Variants in SYT16 observed in about 807,000 individuals in gnomAD.
The protein encoded by SYT16 is synaptotagmin-16.
Under a neutral mutation model 61.4 loss-of-function variants are expected in SYT16, and 42 were observed. That is an observed-to-expected ratio of 0.68 (90% CI 0.53 to 0.89). The LOEUF is 0.89. SYT16 is among the 40% of genes least tolerant of loss of function. SYT16 has a pLI of 0.00. For synonymous variants in SYT16, 314 were observed against 302.3 expected (o/e 1.04, Z -0.40); for missense variants, 804 against 807.3 (o/e 1.00, Z 0.05).
intron 3 of SYT16, among the ~76,000 whole-genome samples, chr14:62,037,042 T>C (rs535116663): frequency 6.6e-6 from 1 of 152,252 alleles, no homozygotes; most frequent in Non-Finnish European, 1.5e-5. Flanking sequence ...GCTGAGAGGA[T>C]GGCAAAAGAG....
chr14:62,102,671 A>C lies in SYT16; in HGVS notation c.*1964A>C, dbSNP rs1474774235. 1 of 152,202 alleles carries C rather than the reference A, an allele frequency of 6.6e-6. No homozygotes were observed. Among genetic ancestry groups the C allele is most frequent in the East Asian group, 1.9e-4 (1 of 5,200 alleles). The allele number at this position is 152,202 out of a possible 1,614,324, so 9.4% of individuals were successfully genotyped here. On this transcript the variant is annotated 3_prime_UTR_variant, in exon 8 of 8. Transcript: ENST00000683842. ...TAAAGGGAAGTAGAACAGCCTCGCTATGCTTTCCTTTATGCAGTAACATAA... is the reference window on the plus strand; with the variant it reads ...TAAAGGGAAGTAGAACAGCCTCGCTCTGCTTTCCTTTATGCAGTAACATAA...
intron 1 of SYT16, among the ~76,000 whole-genome samples, chr14:61,914,701 C>CAA (rs1305221014): frequency 6.6e-6 from 1 of 152,158 alleles, no homozygotes; most frequent in Non-Finnish European, 1.5e-5. Context: ...TTGGGTTTCT[C>CAA]CTCAAAAATA....
chr14:61,973,594 G>T lies in SYT16; in HGVS notation c.-145+3283G>T, dbSNP rs922776452. Among the ~76,000 whole-genome samples the T allele has an allele frequency of 2.4e-4, 37 of 152,160 alleles. 1 individual carries two copies. The highest frequency in any genetic ancestry group is 1.6e-3 in the Admixed American group (25 of 15,270). On this transcript the variant is annotated intron_variant, in intron 2 of 7. Coordinates refer to ENST00000683842, the MANE Select transcript of SYT16 (RefSeq NM_001367656.1). ...CACAGTGAGACAATAGTTTTTAAAA[G>T]AAGCCCAGCTTTGAGAGAAGGCGGG...
At chr14:61,945,089 C>T (rs61993174) in intron 1 of SYT16, among the ~76,000 whole-genome samples, 20,006 of 152,180 alleles carry the variant, frequency 0.13, 1,745 homozygotes, top group South Asian at 0.27. Flanking sequence ...TGAACAGACA[C>T]TTCTTAAAAG....
intron 3 of SYT16, among the ~76,000 whole-genome samples, chr14:62,041,401 T>C (rs1167677119): frequency 6.6e-6 from 1 of 152,232 alleles, no homozygotes; most frequent in Non-Finnish European, 1.5e-5. Flanking sequence ...TTAAGGAATT[T>C]ATTATATGCC....
intron 1 of SYT16, among the ~76,000 whole-genome samples, chr14:61,879,367 C>T (rs1289085425): frequency 6.6e-6 from 1 of 152,168 alleles, no homozygotes; most frequent in South Asian, 2.1e-4. Flanking sequence ...GCCAAGGGTG[C>T]TTGTCATACT....
intron 1 of SYT16, among the ~76,000 whole-genome samples, chr14:61,892,539 T>C (rs565679541): frequency 5.0e-4 from 76 of 152,288 alleles, no homozygotes; most frequent in African/African-American, 1.7e-3. Flanking sequence ...CTCTCCTCCG[T>C]GGTGACCTGC....
At chr14:61,889,569 C>G (rs1460340733) in intron 1 of SYT16, among the ~76,000 whole-genome samples, 1 of 151,864 alleles carries the variant, frequency 6.6e-6, no homozygotes, top group African/African-American at 2.4e-5. Flanking sequence ...CCTGGTACTT[C>G]CCTCTGCTCG....
At chr14:62,077,832 T>G (rs1352426569) in intron 5 of SYT16, among the ~76,000 whole-genome samples, 2 of 152,148 alleles carry the variant, frequency 1.3e-5, no homozygotes, top group Non-Finnish European at 2.9e-5. Flanking sequence ...CAGGATCTGT[T>G]TATTCAGAGG....
chr14:61,817,958 C>T (rs1397232904), intron 1 of SYT16, among the ~76,000 whole-genome samples: 2 of 152,150 alleles, frequency 1.3e-5, no homozygotes, highest in African/African-American at 4.8e-5. Context: ...GTTCCTTGTG[C>T]TGTTCTTGCA....
chr14:61,836,933 T>C (rs189615540), intron 1 of SYT16, among the ~76,000 whole-genome samples: 77 of 152,310 alleles, frequency 5.1e-4, no homozygotes, highest in African/African-American at 1.8e-3. Flanking sequence ...CTCTGCAGAT[T>C]TTCCAATCTC....
At position 61,987,657 on chromosome 14, in the gene SYT16, G is replaced by A. The variant is rs560899482; in HGVS notation, c.-144-8219G>A. Among the ~76,000 whole-genome samples, 3 of 152,118 alleles carry A rather than the reference G, an allele frequency of 2.0e-5. No individual in the cohort carries two copies. The South Asian group carries it at 6.2e-4, about 32-fold the overall frequency. On this transcript the variant is annotated intron_variant, in intron 2 of 7. Transcript: ENST00000683842. ...TTTCCTATATAACCCGATGATAACT[G>A]TGCAAATTACAAGGAAAACGATAGA...
At chr14:61,837,822 A>T (rs2046180384) in intron 1 of SYT16, among the ~76,000 whole-genome samples, 1 of 152,186 alleles carries the variant, frequency 6.6e-6, no homozygotes, top group African/African-American at 2.4e-5. Flanking sequence ...ACTTCCTCAG[A>T]TGTCGGCTTC....
At chr14:62,081,600 C>A (rs1010831456) in intron 6 of SYT16, among the ~76,000 whole-genome samples, 2 of 152,198 alleles carry the variant, frequency 1.3e-5, no homozygotes, top group Non-Finnish European at 2.9e-5. Flanking sequence ...TGCCCCCAAT[C>A]TGCATCATGA....
At chr14:61,990,752 G>T (rs916142144) in intron 2 of SYT16, among the ~76,000 whole-genome samples, 1 of 152,158 alleles carries the variant, frequency 6.6e-6, no homozygotes, top group African/African-American at 2.4e-5. Flanking sequence ...AGAAAATGGG[G>T]TTGGAAAGAT....
intron 1 of SYT16, among the ~76,000 whole-genome samples, chr14:61,874,027 T>C (rs1458186278): frequency 6.6e-6 from 1 of 152,184 alleles, no homozygotes; most frequent in Non-Finnish European, 1.5e-5. Flanking sequence ...AATACTCAGA[T>C]TAATACTCAG....
At chr14:61,834,310 T>G (rs2046052294) in intron 1 of SYT16, among the ~76,000 whole-genome samples, 2 of 150,992 alleles carry the variant, frequency 1.3e-5, no homozygotes, top group Admixed American at 1.3e-4. Context: ...TTTTATATTT[T>G]TAGTAGAGAC....
At chr14:61,878,874 C>T (rs1028649821) in intron 1 of SYT16, among the ~76,000 whole-genome samples, 4 of 152,044 alleles carry the variant, frequency 2.6e-5, no homozygotes, top group African/African-American at 7.2e-5. Context: ...TTCTAAATAG[C>T]AGGGGCTTGG....
chr14:61,830,564 A>G (rs1164638663), intron 1 of SYT16, among the ~76,000 whole-genome samples: 1 of 152,150 alleles, frequency 6.6e-6, no homozygotes, highest in Non-Finnish European at 1.5e-5. Flanking sequence ...TCACACATGG[A>G]CCATTTAGGG....
Sources: gnomAD v4.1 joint callset for allele counts (sites outside exome capture counted in the v4.1 genomes callset) on GRCh38, gnomAD v4.1.1 for gene constraint, MANE v1.5 for transcripts, NCBI Gene and HGNC (gene_info 2026-07-23, HGNC 2026-07-21) for gene names.